DRICH1: variants seen among roughly 807,000 people sequenced by gnomAD.
DRICH1 encodes the protein aspartate rich 1.
A neutral mutation model predicts 39.5 loss-of-function variants in DRICH1; 38 were observed. The ratio of observed to expected loss-of-function variants is 0.96; its 90% CI spans 0.74 to 1.26. DRICH1 has a LOEUF of 1.26. DRICH1 is among the 50% of genes most tolerant of loss of function. The pLI, the probability that DRICH1 is intolerant of heterozygous loss-of-function variation, is 0.00. For synonymous variants in DRICH1, 84 were observed against 99.5 expected (o/e 0.84, Z 0.93); for missense variants, 279 against 270.4 (o/e 1.03, Z -0.22).
At position 23,608,910 on chromosome 22, in the gene DRICH1, G is replaced by A. The variant is rs181102754; in HGVS notation, c.686-142C>T. On this transcript the variant is annotated intron_variant, in intron 11 of 11. Coordinates refer to ENST00000317749, the MANE Select transcript of DRICH1 (RefSeq NM_016449.4). ...CAGGCTGAGGAGAAATTACAGATGCGGAAACTCATCAGCCAGGGACAGAGG... is the reference window on the plus strand; with the variant it reads ...CAGGCTGAGGAGAAATTACAGATGCAGAAACTCATCAGCCAGGGACAGAGG... 59 of 902,970 alleles carry A rather than the reference G, an allele frequency of 6.5e-5. No individual in the cohort carries two copies. In the Admixed American group the frequency reaches 7.0e-4, roughly 11 times the overall value. 55.9% of individuals were successfully genotyped at this position (902,970 alleles called of 1,614,324 possible).
chr22:23,600,966 C>G, the DRICH1 span, among the ~76,000 whole-genome samples: 13 of 152,238 alleles, frequency 8.5e-5, no homozygotes, highest in Admixed American at 6.5e-4. Flanking sequence ...GCCACCGCAC[C>G]TGGCCGGCAA....
chr22:23,621,868 A>T (rs1271436609), intron 4 of DRICH1, among the ~76,000 whole-genome samples: 3 of 152,156 alleles, frequency 2.0e-5, no homozygotes, highest in Non-Finnish European at 4.4e-5. Context: ...GCACCACTGC[A>T]CTCCAGCCTG....
chr22:23,583,247 C>A, the DRICH1 span: 3 of 152,232 alleles, frequency 2.0e-5, no homozygotes, highest in Non-Finnish European at 4.4e-5. Context: ...GCTGTCAAAT[C>A]CCCTCTGGTA....
chr22:23,582,171 G>T, the DRICH1 span, among the ~76,000 whole-genome samples: 2 of 147,828 alleles, frequency 1.4e-5, no homozygotes, highest in Non-Finnish European at 3.0e-5. Context: ...TAGAGATGGG[G>T]TTTCAGCATG....
chr22:23,611,843 C>G (rs564356401), intron 11 of DRICH1, among the ~76,000 whole-genome samples: 2 of 152,254 alleles, frequency 1.3e-5, no homozygotes, highest in African/African-American at 4.8e-5. Flanking sequence ...ACCTACTGCG[C>G]TGCGTCATTA....
intron 6 of DRICH1, among the ~76,000 whole-genome samples, chr22:23,618,698 A>G (rs1454998072): frequency 6.6e-6 from 1 of 152,176 alleles, no homozygotes; most frequent in Non-Finnish European, 1.5e-5. Flanking sequence ...TTCTGCCATG[A>G]GGATAAGTTT....
At chr22:23,606,710 G>A (rs944519387), downstream of DRICH1, among the ~76,000 whole-genome samples, 4 of 152,148 alleles carry the variant, frequency 2.6e-5, no homozygotes, top group East Asian at 1.9e-4. Context: ...AGTGAGGTGC[G>A]GGATCTCCCA....
At chr22:23,582,828 T>G in the DRICH1 span, among the ~76,000 whole-genome samples, 12 of 152,040 alleles carry the variant, frequency 7.9e-5, no homozygotes, top group Non-Finnish European at 1.6e-4. Flanking sequence ...CCCAAAGAGC[T>G]GGGATTACAG....
chr22:23,602,444 G>C, the DRICH1 span, among the ~76,000 whole-genome samples: 26 of 152,286 alleles, frequency 1.7e-4, no homozygotes, highest in African/African-American at 5.8e-4. Context: ...CAGCACTGTG[G>C]GAGGCTGAGG....
chr22:23,623,666 G>A (rs1007917336), intron 3 of DRICH1, among the ~76,000 whole-genome samples: 1 of 150,772 alleles, frequency 6.6e-6, no homozygotes, highest in Non-Finnish European at 1.5e-5. Context: ...AGACTTTAAT[G>A]AATTTTCATT....
intron 6 of DRICH1, among the ~76,000 whole-genome samples, chr22:23,618,113 CTT>C (rs368348650): frequency 7.9e-5 from 10 of 127,272 alleles, no homozygotes; most frequent in Admixed American, 1.7e-4. Context: ...ATCACACATT[CTT>C]TTTTTTTTTT....
At chr22:23,617,500 G>A in intron 7 of DRICH1, 75 bp downstream of exon 7, 4 of 1,520,834 alleles carry the variant, frequency 2.6e-6, no homozygotes, top group Non-Finnish European at 2.7e-6. Flanking sequence ...CCATTCTTTG[G>A]GATTGGATTG....
chr22:23,589,118 AC>A, the DRICH1 span, among the ~76,000 whole-genome samples: 1 of 141,610 alleles, frequency 7.1e-6, no homozygotes, highest in South Asian at 2.1e-4. Flanking sequence ...ACACACACAC[AC>A]ACACACACCC....
chr22:23,616,984 G>T, intron 7 of DRICH1, 110 bp from the exon 8 acceptor site: 1 of 1,272,236 alleles, frequency 7.9e-7, no homozygotes, highest in African/African-American at 1.5e-5. Flanking sequence ...GTAAGACAGT[G>T]GTAAGTCAAG....
Position 23,608,787 on chromosome 22 carries a change from C to G in DRICH1, c.686-19G>C, listed in dbSNP as rs1363623229. ...CTTCACCCTGGATGAAGAGATAATC[C>G]CTTTTTAGTGAGAGCAGGCTCCCAG... On this transcript the variant is annotated intron_variant, in intron 11 of 11. Coordinates refer to ENST00000317749, the MANE Select transcript of DRICH1 (RefSeq NM_016449.4). 4 of 1,558,600 alleles carry G rather than the reference C, an allele frequency of 2.6e-6. No homozygotes were observed. Among genetic ancestry groups the G allele is most frequent in the Non-Finnish European group, 3.5e-6 (4 of 1,149,840 alleles).
chr22:23,600,439 A>G, the DRICH1 span, among the ~76,000 whole-genome samples: 4 of 152,140 alleles, frequency 2.6e-5, no homozygotes, highest in African/African-American at 9.7e-5. Flanking sequence ...AGAAGGGGGT[A>G]GGGCCTGCAT....
the DRICH1 span, among the ~76,000 whole-genome samples, chr22:23,585,577 G>A: frequency 1.3e-5 from 2 of 152,108 alleles, no homozygotes; most frequent in African/African-American, 2.4e-5. Flanking sequence ...GAGTGCAGTA[G>A]TGTAATCATG....
At chr22:23,616,551 C>T (rs1246576032) in intron 8 of DRICH1, among the ~76,000 whole-genome samples, 1 of 152,184 alleles carries the variant, frequency 6.6e-6, no homozygotes, top group Admixed American at 6.5e-5. Flanking sequence ...GAAAGGCATA[C>T]TCTTCCCTGC....
chr22:23,582,259 G>C, the DRICH1 span, among the ~76,000 whole-genome samples: 4 of 144,872 alleles, frequency 2.8e-5, no homozygotes, highest in African/African-American at 1.0e-4. Context: ...TTACAGGCGT[G>C]AGCCACCGCA....
Sources: allele counts gnomAD v4.1 joint callset (sites outside exome capture counted in the v4.1 genomes callset), GRCh38; gene constraint gnomAD v4.1.1; transcripts MANE v1.5; gene names NCBI Gene and HGNC (gene_info 2026-07-23, HGNC 2026-07-21).